The following SOX5 variants were observed in gnomAD, a reference collection of about 807,000 sequenced individuals.
SOX5 encodes transcription factor SOX-5.
SOX5 carries 9 observed loss-of-function variants against 92.0 expected under a neutral mutation model. That is an observed-to-expected ratio of 0.10 (90% confidence interval 0.06 to 0.17). The LOEUF (loss-of-function observed/expected upper bound fraction) is 0.17. SOX5 is among the 10% of genes least tolerant of loss of function. SOX5 has a pLI of 1.00. For synonymous variants in SOX5, 344 were observed against 336.3 expected (o/e 1.02, Z -0.25); for missense variants, 642 against 944.5 (o/e 0.68, Z 4.20).
chr12:24,000,204 A>G (rs1032583847), intron 4 of SOX5, among the ~76,000 whole-genome samples: 1 of 151,570 alleles, frequency 6.6e-6, no homozygotes, highest in Admixed American at 6.6e-5. Context: ...GAAAATTAGA[A>G]CAGATAAGAA....
chr12:23,684,537 C>A (rs184747926), intron 6 of SOX5, among the ~76,000 whole-genome samples: 14 of 152,132 alleles, frequency 9.2e-5, no homozygotes, highest in African/African-American at 3.4e-4. Flanking sequence ...TAAGGACTTG[C>A]TATTTGTTCA....
At chr12:24,488,738 C>T (rs1366203719) in intron 1 of SOX5, among the ~76,000 whole-genome samples, 2 of 152,122 alleles carry the variant, frequency 1.3e-5, no homozygotes, top group South Asian at 4.2e-4. Context: ...AAACCCCAAC[C>T]CCACTCTTAC....
intron 8 of SOX5, among the ~76,000 whole-genome samples, chr12:23,630,666 T>C (rs1466856260): frequency 6.6e-6 from 1 of 152,022 alleles, no homozygotes; most frequent in Non-Finnish European, 1.5e-5. Context: ...TTGCATGCAT[T>C]ATTTCATTTA....
chr12:23,628,600 C>T (rs2078136222), intron 8 of SOX5, among the ~76,000 whole-genome samples: 1 of 151,956 alleles, frequency 6.6e-6, no homozygotes, highest in South Asian at 2.1e-4. Flanking sequence ...TCCGTTTCTC[C>T]TTGTTCACTT....
Position 23,530,086 on chromosome 12 carries a change from T to C in SOX5, c.*4133A>G, listed in dbSNP as rs1938644402. 1 of 152,200 alleles carries C rather than the reference T, an allele frequency of 6.6e-6. No individual in the cohort carries two copies. Among genetic ancestry groups the C allele is most frequent in the Admixed American group, 6.5e-5 (1 of 15,278 alleles). The allele number at this position is 152,200 out of a possible 1,614,324, so 9.4% of individuals were successfully genotyped here. On this transcript the variant is annotated 3_prime_UTR_variant, in exon 15 of 15. Coordinates refer to ENST00000451604, the MANE Select transcript of SOX5 (RefSeq NM_006940.6). ...AAATTAAATACTGTAAAAGCCTGGCTAAACCAACAGCTATGCCCTACAAGA... is the reference window on the plus strand; with the variant it reads ...AAATTAAATACTGTAAAAGCCTGGCCAAACCAACAGCTATGCCCTACAAGA...
At chr12:24,411,714 C>T (rs1297473599) in intron 1 of SOX5, among the ~76,000 whole-genome samples, 2 of 152,046 alleles carry the variant, frequency 1.3e-5, no homozygotes, top group Non-Finnish European at 2.9e-5. Context: ...ATTCTATTTG[C>T]TAATATTTTG....
At chr12:23,805,482 G>C (rs2039456312) in intron 3 of SOX5, among the ~76,000 whole-genome samples, 1 of 151,864 alleles carries the variant, frequency 6.6e-6, no homozygotes, top group African/African-American at 2.4e-5. Flanking sequence ...TCAAAAAGTA[G>C]CATCACTAAG....
intron 4 of SOX5, among the ~76,000 whole-genome samples, chr12:23,980,352 A>G (rs1037394293): frequency 1.3e-5 from 2 of 152,092 alleles, no homozygotes; most frequent in African/African-American, 4.8e-5. Context: ...TTGAGTATTC[A>G]TTGCCATTGA....
chr12:24,243,315 T>C (rs1259399512), intron 3 of SOX5, among the ~76,000 whole-genome samples: 1 of 152,174 alleles, frequency 6.6e-6, no homozygotes, highest in Non-Finnish European at 1.5e-5. Flanking sequence ...TAAAGTTGCA[T>C]TTGTTTCATA....
chr12:24,368,624 A>G (rs1956399238), exon 2 of SOX5: 1 of 152,232 alleles, frequency 6.6e-6, no homozygotes, highest in African/African-American at 2.4e-5. Flanking sequence ...TGGGTCACCA[A>G]TGGCCAGCAC....
intron 9 of SOX5, among the ~76,000 whole-genome samples, chr12:23,597,427 C>G (rs938333257): frequency 6.6e-6 from 1 of 152,152 alleles, no homozygotes; most frequent in African/African-American, 2.4e-5. Context: ...AGAAAAGCCT[C>G]TGTTTAAGTA....
At chr12:24,428,726 C>CAAAAAAAACAAA in intron 1 of SOX5, among the ~76,000 whole-genome samples, 1 of 32,590 alleles carries the variant, frequency 3.1e-5, no homozygotes, top group Non-Finnish European at 5.1e-5. Flanking sequence ...CTCTGTTTCT[C>CAAAAAAAACAAA]AAAAAAAAAA....
At chr12:23,874,183 A>G (rs562212376) in intron 2 of SOX5, among the ~76,000 whole-genome samples, 1 of 152,354 alleles carries the variant, frequency 6.6e-6, no homozygotes. Context: ...CCTGAAGACA[A>G]TTCATTTTCA....
chr12:24,412,152 C>T (rs944884536), intron 1 of SOX5, among the ~76,000 whole-genome samples: 1 of 151,994 alleles, frequency 6.6e-6, no homozygotes, highest in Admixed American at 6.5e-5. Context: ...TAAATCGTAT[C>T]GATTACTGAT....
At chr12:24,208,569 A>C (rs184462615) in intron 4 of SOX5, among the ~76,000 whole-genome samples, 2 of 152,164 alleles carry the variant, frequency 1.3e-5, no homozygotes, top group Non-Finnish European at 2.9e-5. Flanking sequence ...CCCAGCTCAA[A>C]TACTGCCTTG....
intron 8 of SOX5, among the ~76,000 whole-genome samples, chr12:23,633,551 A>G (rs2078831544): frequency 6.6e-6 from 1 of 152,090 alleles, no homozygotes; most frequent in Non-Finnish European, 1.5e-5. Context: ...TATAATAAAT[A>G]AGTAAATATC....
At chr12:24,362,319 TGAA>T (rs56865788) in intron 2 of SOX5, among the ~76,000 whole-genome samples, 52,734 of 151,908 alleles carry the variant, frequency 0.35, 9,338 homozygotes, top group East Asian at 0.47. Context: ...TACAGAGTGC[TGAA>T]TTCAGTCCCA....
intron 2 of SOX5, among the ~76,000 whole-genome samples, chr12:23,860,957 A>T (rs1452565322): frequency 7.8e-5 from 4 of 51,166 alleles, no homozygotes; most frequent in Admixed American, 3.0e-4. Flanking sequence ...TTTTGTAAAA[A>T]AAAAAAAAAA....
chr12:23,895,433 G>A (rs1243786588), intron 2 of SOX5, among the ~76,000 whole-genome samples: 2 of 151,906 alleles, frequency 1.3e-5, no homozygotes, highest in African/African-American at 4.8e-5. Flanking sequence ...TATGTTCATT[G>A]TAACTCTACC....
Sources: gnomAD v4.1 joint callset for allele counts (sites outside exome capture counted in the v4.1 genomes callset) on GRCh38, gnomAD v4.1.1 for gene constraint, MANE v1.5 for transcripts, NCBI Gene and HGNC (gene_info 2026-07-23, HGNC 2026-07-21) for gene names.